TBCB: variants seen among roughly 807,000 people sequenced by gnomAD.
TBCB encodes the protein tubulin-folding cofactor B.
Under a neutral mutation model 29.2 loss-of-function variants are expected in TBCB, and 18 were observed. The observed-to-expected ratio is 0.62, with a 90% CI of 0.43 to 0.91. The LOEUF (loss-of-function observed/expected upper bound fraction) is 0.91. Ranked by LOEUF, TBCB falls within the 40% of genes least tolerant of loss-of-function variation. The pLI is 0.00. For synonymous variants in TBCB, 172 were observed against 137.8 expected, an observed-to-expected ratio of 1.25 and a Z score of -1.74; for missense variants, 336 against 337.6, an observed-to-expected ratio of 1.00 and a Z score of 0.04.
rs201763604 is a variant in TBCB at position 36,115,680 on chromosome 19, G to C, written c.114+6G>C. ...TCACCATCGCTGAGTTCAAGGTGTGGCCATGGGGGCGGGGTCCGGAGGGGC... is the reference window on the plus strand; with the variant it reads ...TCACCATCGCTGAGTTCAAGGTGTGCCCATGGGGGCGGGGTCCGGAGGGGC... On this transcript the variant is annotated splice_donor_region_variant and intron_variant, in intron 1 of 5. Coordinates refer to ENST00000221855, the MANE Select transcript of TBCB (RefSeq NM_001281.3). 6.8e-7 allele frequency: 1 copy of C among 1,477,256 alleles called. No homozygotes were observed. The highest frequency in any genetic ancestry group is 3.1e-5 in the East Asian group (1 of 32,448). 91.5% of individuals were successfully genotyped at this position (1,477,256 alleles called of 1,614,324 possible).
At chr19:36,123,824 A>C (rs1472565047) in intron 4 of TBCB, among the ~76,000 whole-genome samples, 1 of 152,136 alleles carries the variant, frequency 6.6e-6, no homozygotes, top group Non-Finnish European at 1.5e-5. Flanking sequence ...GCAGTGAGCC[A>C]AGATCACACC....
rs1974130882 is a variant in TBCB at position 36,125,847 on chromosome 19, C to CA, written c.*66dup. On this transcript the variant is annotated 3_prime_UTR_variant, in exon 6 of 6. Coordinates refer to ENST00000221855, the MANE Select transcript of TBCB (RefSeq NM_001281.3). ...ACTGACTGCCCCTCCTGTGTGTGCC[C>CA]ATGGCCCTTTTCTCCTGACCCCATT... The CA allele has an allele frequency of 8.2e-7, 1 of 1,220,032 alleles. No homozygotes were observed. Among genetic ancestry groups the CA allele is most frequent in the Non-Finnish European group, 1.1e-6 (1 of 902,292 alleles). 75.6% of individuals were successfully genotyped at this position (1,220,032 alleles called of 1,614,324 possible). A position where few individuals can be genotyped will look rare whatever the true frequency, so the allele number is the denominator to read the frequency against.
intron 2 of TBCB, among the ~76,000 whole-genome samples, chr19:36,117,209 C>G (rs973257333): frequency 6.6e-6 from 1 of 152,180 alleles, no homozygotes; most frequent in Non-Finnish European, 1.5e-5. Flanking sequence ...GGATTTCTCT[C>G]ATCTGGTTTA....
rs1001152552 is a variant in TBCB at position 36,115,513 on chromosome 19, G to C, written c.-48G>C. 2.0e-5 allele frequency: 29 copies of C among 1,440,802 alleles called. No individual in the cohort carries two copies. The highest frequency in any genetic ancestry group is 2.5e-5 in the Non-Finnish European group (26 of 1,049,148). 89.3% of individuals were successfully genotyped at this position (1,440,802 alleles called of 1,614,324 possible). A position where few individuals can be genotyped will look rare whatever the true frequency, so the allele number is the denominator to read the frequency against. Reference sequence around the variant, plus strand: ...AGCGGCGGCGGCGGCTGCGGAGCGGGTGTGAGGCGGCTGGACCGCGCTGCA... The same window carrying C: ...AGCGGCGGCGGCGGCTGCGGAGCGGCTGTGAGGCGGCTGGACCGCGCTGCA... On this transcript the variant is annotated 5_prime_UTR_variant, in exon 1 of 6. Transcript: ENST00000221855.
chr19:36,123,438 T>G (rs998864746), intron 4 of TBCB, among the ~76,000 whole-genome samples: 3 of 151,730 alleles, frequency 2.0e-5, no homozygotes, highest in African/African-American at 4.8e-5. Flanking sequence ...AGTTTTGTGG[T>G]TTTTTTTGTA....
Position 36,116,078 on chromosome 19 carries a change from G to T in TBCB, c.152G>T (p.Cys51Phe), listed in dbSNP as rs1333311706. The part of the protein sequence containing the change: ...LELLVGSPAS[C>F]MELELYGVDD... ...TTGCTGGTGGGCAGCCCTGCTTCCT[G>T]CATGGAACTGGAGCTGTATGGAGTT... Residue 51 changes from cysteine (C) to phenylalanine (F), a missense_variant, in exon 2 of 6, where the codon TGC becomes TTC. Physicochemically the swap from Cys to Phe is radical, Grantham distance 205 (BLOSUM62 -2). Coordinates refer to ENST00000221855, the MANE Select transcript of TBCB (RefSeq NM_001281.3). The T allele has an allele frequency of 1.2e-6, 2 of 1,614,182 alleles. No homozygotes were observed. Among genetic ancestry groups the T allele is most frequent in the South Asian group, 2.2e-5 (2 of 91,088 alleles).
At chr19:36,115,879 C>T (rs1055276560) in intron 1 of TBCB, 162 bp from the exon 2 acceptor site, 3 of 1,206,066 alleles carry the variant, frequency 2.5e-6, no homozygotes, top group Admixed American at 4.6e-5. Context: ...GCGAAAAATC[C>T]GACGGTCCAG....
chr19:36,121,388 G>A, intron 3 of TBCB, 139 bp from the exon 4 acceptor site: 2 of 1,047,510 alleles, frequency 1.9e-6, no homozygotes, highest in Admixed American at 5.5e-5. Flanking sequence ...GCTGTGGTGG[G>A]AGACCTGGGG....
Position 36,120,718 on chromosome 19 carries a change from C to T in TBCB, c.267C>T (p.Asp89=), listed in dbSNP as rs919667403. ...CCCCTCCCCTCACACAGGTCATTGA[C>T]CACAGTGGCGCCCGCCTTGGTGAGT... is the stretch of plus-strand genomic sequence containing the variant. The part of the protein sequence containing the change: ...VDDGCRIHVI[D]HSGARLGEYE... Residue 89 remains aspartate, a synonymous_variant, in exon 3 of 6, where the codon GAC becomes GAT. Transcript: ENST00000221855. 1 of 1,614,120 alleles carries T rather than the reference C, an allele frequency of 6.2e-7. No individual in the cohort carries two copies. Among genetic ancestry groups the T allele is most frequent in the Non-Finnish European group, 8.5e-7 (1 of 1,180,010 alleles).
chr19:36,121,738 G>A lies in TBCB; in HGVS notation c.547+20G>A, dbSNP rs767146628. On this transcript the variant is annotated intron_variant, in intron 4 of 5. Coordinates refer to ENST00000221855, the MANE Select transcript of TBCB (RefSeq NM_001281.3). ...ATGTAGGTGCGTGGCTCGCGGGCCC[G>A]GTCCCGGGCTCCAGGGCTCCAAGGC... The A allele has an allele frequency of 6.5e-6, 10 of 1,547,416 alleles. No individual in the cohort carries two copies. The highest frequency in any genetic ancestry group is 8.7e-6 in the Non-Finnish European group (10 of 1,146,198).
At chr19:36,115,157 T>TGAGC (rs1339519025), upstream of TBCB, 3 of 566,350 alleles carry the variant, frequency 5.3e-6, no homozygotes, top group African/African-American at 5.7e-5. Flanking sequence ...CGCAAAACAC[T>TGAGC]GAGCATCCAG....
At chr19:36,116,397 A>C (rs754347856) in intron 2 of TBCB, 5 of 533,166 alleles carry the variant, frequency 9.4e-6, no homozygotes, top group African/African-American at 3.9e-5. Flanking sequence ...GACTGGAGCC[A>C]CCAAGAAGAG....
At position 36,115,523 on chromosome 19, in the gene TBCB, G is replaced by C. The variant is rs1216457040; in HGVS notation, c.-38G>C. Reference sequence around the variant, plus strand: ...GCGGCTGCGGAGCGGGTGTGAGGCGGCTGGACCGCGCTGCAGGCATCCGCA... The same window carrying C: ...GCGGCTGCGGAGCGGGTGTGAGGCGCCTGGACCGCGCTGCAGGCATCCGCA... On this transcript the variant is annotated 5_prime_UTR_variant, in exon 1 of 6. Transcript: ENST00000221855. The C allele has an allele frequency of 6.6e-7, 1 of 1,517,704 alleles. No homozygotes were observed. The highest frequency in any genetic ancestry group is 1.2e-5 in the South Asian group (1 of 84,022). 94.0% of individuals were successfully genotyped at this position (1,517,704 alleles called of 1,614,324 possible). A position where few individuals can be genotyped will look rare whatever the true frequency, so the allele number is the denominator to read the frequency against.
intron 3 of TBCB, 26 bp downstream of exon 3, chr19:36,120,832 T>C: frequency 6.2e-7 from 1 of 1,609,226 alleles, no homozygotes. Context: ...CGTCGAGGGG[T>C]GCGTGGGGGC....
At chr19:36,117,115 G>A (rs572482980) in intron 2 of TBCB, among the ~76,000 whole-genome samples, 6 of 152,296 alleles carry the variant, frequency 3.9e-5, no homozygotes, top group African/African-American at 1.4e-4. Flanking sequence ...CGGCCTCAGT[G>A]TTAACGTTTA....
intron 3 of TBCB, among the ~76,000 whole-genome samples, chr19:36,121,231 G>A (rs1475688762): frequency 6.6e-6 from 1 of 151,942 alleles, no homozygotes; most frequent in Non-Finnish European, 1.5e-5. Flanking sequence ...AGGGCCGGAG[G>A]AGGGCGGAGG....
Position 36,115,932 on chromosome 19 carries a change from C to A in TBCB, c.115-109C>A, listed in dbSNP as rs1029959913. ...CGAGGGGCTGGATTGCGGCCCCGTGCGTCCTGACTGGGGGGTCTTTTGGAG... is the reference window on the plus strand; with the variant it reads ...CGAGGGGCTGGATTGCGGCCCCGTGAGTCCTGACTGGGGGGTCTTTTGGAG... On this transcript the variant is annotated intron_variant, in intron 1 of 5. Coordinates refer to ENST00000221855, the MANE Select transcript of TBCB (RefSeq NM_001281.3). 1 of 1,475,636 alleles carries A rather than the reference C, an allele frequency of 6.8e-7. No homozygotes were observed. Among genetic ancestry groups the A allele is most frequent in the Non-Finnish European group, 9.2e-7 (1 of 1,091,704 alleles). The allele number at this position is 1,475,636 out of a possible 1,614,324, so 91.4% of individuals were successfully genotyped here.
rs118094953 is a variant in TBCB at position 36,116,478 on chromosome 19, G to A, written c.258+294G>A. 1,537 of 340,914 alleles carry A rather than the reference G, an allele frequency of 4.5e-3. 4 individuals carry two copies. The highest frequency in any genetic ancestry group is 6.7e-3 in the Non-Finnish European group (1,221 of 183,004). The allele number at this position is 340,914 out of a possible 1,614,324, so 21.1% of individuals were successfully genotyped here. A position where few individuals can be genotyped will look rare whatever the true frequency, so the allele number is the denominator to read the frequency against. ...AGGGATGTCTGAGCTGAGGGATGAGGAAAGGGTGACTTAAGAGAAAGAGGT... is the reference window on the plus strand; with the variant it reads ...AGGGATGTCTGAGCTGAGGGATGAGAAAAGGGTGACTTAAGAGAAAGAGGT... On this transcript the variant is annotated intron_variant, in intron 2 of 5. Coordinates refer to ENST00000221855, the MANE Select transcript of TBCB (RefSeq NM_001281.3).
At position 36,116,210 on chromosome 19, in the gene TBCB, C is replaced by T. The variant is rs200481198; in HGVS notation, c.258+26C>T. 2,738 of 1,607,856 alleles carry T rather than the reference C, an allele frequency of 1.7e-3. 1 individual carries two copies. Among genetic ancestry groups the T allele is most frequent in the Non-Finnish European group, 2.1e-3 (2,445 of 1,175,432 alleles). ...GTGAGGACTCTCTATCTGGGACACT[C>T]CCCCACCCCACCTTTCATTTGGTTA... is the stretch of plus-strand genomic sequence containing the variant. On this transcript the variant is annotated intron_variant, in intron 2 of 5. Transcript: ENST00000221855.
Sources: gnomAD v4.1 joint callset for allele counts (sites outside exome capture counted in the v4.1 genomes callset) on GRCh38, gnomAD v4.1.1 for gene constraint, MANE v1.5 for transcripts, NCBI Gene and HGNC (gene_info 2026-07-23, HGNC 2026-07-21) for gene names.